FAS: variants seen among roughly 807,000 people sequenced by gnomAD.
The protein encoded by FAS is tumor necrosis factor receptor superfamily member 6.
In FAS, 5 loss-of-function variants were observed where a neutral mutation model predicts 33.2. That is an observed-to-expected ratio of 0.15 (90% CI 0.08 to 0.32). The LOEUF (loss-of-function observed/expected upper bound fraction) is 0.32, where lower values mean the gene tolerates loss of function less well. FAS is among the 10% of genes least tolerant of loss of function. FAS has a pLI of 1.00. For missense variants in FAS, 339 were observed against 386.0 expected (o/e 0.88, Z 1.02); for synonymous variants, 131 against 130.7 (o/e 1.00, Z -0.01).
Position 88,999,561 on chromosome 10 carries a change from A to G in FAS, c.31-3468A>G, listed in dbSNP as rs1229349706. ...AATATTTTAAGACAAACCTCCTAGA[A>G]CTTATATGTGTCTTTCTTCCCAGAG... On this transcript the variant is annotated intron_variant, in intron 1 of 8. Coordinates refer to ENST00000652046, the MANE Select transcript of FAS (RefSeq NM_000043.6). Among the ~76,000 whole-genome samples the G allele has an allele frequency of 2.0e-5, 3 of 152,192 alleles. No individual in the cohort carries two copies. The East Asian group carries it at 5.8e-4, about 29-fold the overall frequency.
chr10:88,987,436 G>A (rs1846935464), upstream of FAS, among the ~76,000 whole-genome samples: 1 of 152,148 alleles, frequency 6.6e-6, no homozygotes, highest in Non-Finnish European at 1.5e-5. Context: ...TCCAGAACTT[G>A]GATAGCTCTA....
intron 1 of FAS, among the ~76,000 whole-genome samples, chr10:88,971,095 G>A (rs533309415): frequency 3.7e-4 from 56 of 152,286 alleles, no homozygotes; most frequent in African/African-American, 8.2e-4. Context: ...GAATAATGGC[G>A]TCTGATTTTC....
chr10:88,995,902 T>G (rs1250880220), intron 1 of FAS, among the ~76,000 whole-genome samples: 2 of 152,172 alleles, frequency 1.3e-5, no homozygotes, highest in Non-Finnish European at 2.9e-5. Flanking sequence ...TGACTACAAA[T>G]TCAATCAGCA....
intron 2 of FAS, among the ~76,000 whole-genome samples, chr10:89,007,445 T>A (rs1274863785): frequency 6.6e-5 from 10 of 152,222 alleles, no homozygotes; most frequent in Non-Finnish European, 1.5e-5. Context: ...TCCTTTTTTT[T>A]TGTATGCTCC....
At chr10:88,979,588 C>T (rs1846659113) in intron 2 of FAS, among the ~76,000 whole-genome samples, 1 of 152,038 alleles carries the variant, frequency 6.6e-6, no homozygotes, top group African/African-American at 2.4e-5. Flanking sequence ...CTCACTCTCC[C>T]TCTCTTTTAA....
intron 1 of FAS, 31 bp from the exon 2 acceptor site, chr10:89,002,998 A>G (rs1327973344): frequency 4.3e-6 from 7 of 1,613,626 alleles, no homozygotes; most frequent in East Asian, 2.2e-5. Context: ...TCAGAAATCA[A>G]TAAAATTCTC....
upstream of FAS, among the ~76,000 whole-genome samples, chr10:88,985,173 T>C (rs1390732531): frequency 6.6e-6 from 1 of 152,226 alleles, no homozygotes; most frequent in Non-Finnish European, 1.5e-5. Context: ...GAAAGACTTA[T>C]GTTTACCAGG....
rs2296602 is a variant in FAS, at chr10:89,007,590, C to G, written c.197-110C>G. ...ATTTATATCTCATTAGCCTACCCCC[C>G]CTCCCCTTGTGTTTTAGAAGAGTTT... On this transcript the variant is annotated intron_variant, in intron 2 of 8. Coordinates refer to ENST00000652046, the MANE Select transcript of FAS (RefSeq NM_000043.6). The G allele has an allele frequency of 2.1e-5, 29 of 1,390,550 alleles. No homozygotes were observed. In the East Asian group the frequency reaches 2.9e-4, roughly 14 times the overall value. 86.1% of individuals were successfully genotyped at this position (1,390,550 alleles called of 1,614,324 possible).
At position 89,015,363 on chromosome 10, in the gene FAS, A is replaced by G. The variant is rs1344796280; in HGVS notation, c.*913A>G. ...TGCTCTCAGAGAAAGTAGCTTTGTG[A>G]CATGTCATGAACCCATGTTTGCAAT... On this transcript the variant is annotated 3_prime_UTR_variant, in exon 9 of 9. Coordinates refer to ENST00000652046, the MANE Select transcript of FAS (RefSeq NM_000043.6). 3.8e-6 allele frequency: 2 copies of G among 532,810 alleles called. No homozygotes were observed. Among genetic ancestry groups the G allele is most frequent in the African/African-American group, 3.7e-5 (2 of 53,772 alleles). The allele number at this position is 532,810 out of a possible 1,614,324, so 33.0% of individuals were successfully genotyped here.
intron 2 of FAS, among the ~76,000 whole-genome samples, chr10:88,981,518 GA>G (rs1846711142): frequency 6.6e-6 from 1 of 152,120 alleles, no homozygotes; most frequent in Non-Finnish European, 1.5e-5. Flanking sequence ...CCGTGGAAAG[GA>G]AGGCAAATTG....
intron 7 of FAS, chr10:89,012,864 C>T (rs773973463): frequency 4.0e-4 from 61 of 153,472 alleles, no homozygotes; most frequent in Non-Finnish European, 6.5e-4. Flanking sequence ...AAGAAATACA[C>T]CGAGAAAAGA....
intron 2 of FAS, among the ~76,000 whole-genome samples, chr10:88,981,401 C>T (rs2133348817): frequency 6.6e-6 from 1 of 150,706 alleles, no homozygotes; most frequent in African/African-American, 2.4e-5. Context: ...TTTTAAAGAA[C>T]TGGCCATTGC....
rs367885235 is a variant in FAS, at chr10:89,015,181, A to G, written c.*731A>G. On this transcript the variant is annotated 3_prime_UTR_variant, in exon 9 of 9. Coordinates refer to ENST00000652046, the MANE Select transcript of FAS (RefSeq NM_000043.6). ...TCAAAAGCATTTTGAGCAGGAGAGTATTACTAGAGCTTTGCCACCTCTCCA... is the reference window on the plus strand; with the variant it reads ...TCAAAAGCATTTTGAGCAGGAGAGTGTTACTAGAGCTTTGCCACCTCTCCA... 28 of 534,784 alleles carry G rather than the reference A, an allele frequency of 5.2e-5. No homozygotes were observed. Among genetic ancestry groups the G allele is most frequent in the African/African-American group, 4.3e-4 (23 of 53,882 alleles). The allele number at this position is 534,784 out of a possible 1,614,324, so 33.1% of individuals were successfully genotyped here. A position where few individuals can be genotyped will look rare whatever the true frequency, so the allele number is the denominator to read the frequency against.
At chr10:88,999,934 C>A (rs1847832141) in intron 1 of FAS, among the ~76,000 whole-genome samples, 2 of 152,148 alleles carry the variant, frequency 1.3e-5, no homozygotes, top group Admixed American at 1.3e-4. Flanking sequence ...ACTGTACTTA[C>A]CAGTTTCTGG....
intron 2 of FAS, among the ~76,000 whole-genome samples, chr10:88,979,259 A>T (rs1180385284): frequency 6.6e-6 from 1 of 151,772 alleles, no homozygotes; most frequent in Non-Finnish European, 1.5e-5. Flanking sequence ...ACTGAGACAA[A>T]AAAGCAGAAA....
chr10:88,976,055 T>A (rs1846555159), intron 2 of FAS, among the ~76,000 whole-genome samples: 1 of 152,210 alleles, frequency 6.6e-6, no homozygotes, highest in Non-Finnish European at 1.5e-5. Context: ...GACCCAACCA[T>A]ACATTACTAT....
chr10:89,013,326 C>T lies in FAS; in HGVS notation c.652-17C>T, dbSNP rs1488585827. 1 of 1,608,462 alleles carries T rather than the reference C, an allele frequency of 6.2e-7. No homozygotes were observed. The highest frequency in any genetic ancestry group is 1.3e-5 in the African/African-American group (1 of 74,780). ...ATTTTTATTTGTCTTTCTCTGCTTC[C>T]ATTTTTTGCTTTCTAGGAAACAGTG... is the stretch of plus-strand genomic sequence containing the variant. On this transcript the variant is annotated splice_polypyrimidine_tract_variant and intron_variant, in intron 7 of 8. Coordinates refer to ENST00000652046, the MANE Select transcript of FAS (RefSeq NM_000043.6).
upstream of FAS, among the ~76,000 whole-genome samples, chr10:88,988,944 C>G (rs1156878969): frequency 1.3e-5 from 2 of 152,190 alleles, no homozygotes; most frequent in African/African-American, 4.8e-5. Context: ...ATATTCCTAT[C>G]TCCTTGAACT....
intron 1 of FAS, among the ~76,000 whole-genome samples, chr10:88,996,855 C>T (rs1302453638): frequency 3.3e-5 from 5 of 152,226 alleles, no homozygotes; most frequent in Admixed American, 3.3e-4. Flanking sequence ...GCCCCTCCCT[C>T]TCTCTGTAGT....
Sources: allele counts gnomAD v4.1 joint callset (sites outside exome capture counted in the v4.1 genomes callset), GRCh38; gene constraint gnomAD v4.1.1; transcripts MANE v1.5; gene names NCBI Gene and HGNC (gene_info 2026-07-23, HGNC 2026-07-21).